The following PEX13 variants were observed in gnomAD, a reference collection of about 807,000 sequenced individuals.
PEX13 encodes peroxisomal biogenesis factor 13.
PEX13 carries 28 observed loss-of-function variants against 34.5 expected under a neutral mutation model. The observed-to-expected ratio is 0.81, with a 90% confidence interval of 0.60 to 1.11. The LOEUF is 1.11. Among genes scored for constraint, PEX13 ranks in the 50% most tolerant of loss-of-function variants. PEX13 has a pLI of 0.00. For missense variants in PEX13, 550 were observed against 491.0 expected, an observed-to-expected ratio of 1.12 and a Z score of -1.13; for synonymous variants, 177 against 175.1, an observed-to-expected ratio of 1.01 and a Z score of -0.09.
At chr2:61,021,384 A>G (rs1043368863) in intron 1 of PEX13, among the ~76,000 whole-genome samples, 4 of 152,204 alleles carry the variant, frequency 2.6e-5, no homozygotes, top group Non-Finnish European at 5.9e-5. Flanking sequence ...GCCTGGCTTG[A>G]CGGATCCTAT....
intron 2 of PEX13, among the ~76,000 whole-genome samples, chr2:61,037,710 G>A (rs1199935637): frequency 3.3e-5 from 5 of 152,104 alleles, no homozygotes; most frequent in Admixed American, 2.6e-4. Context: ...AACTAGAGAA[G>A]CAAGAGCAAA....
At chr2:61,032,299 G>C (rs1464401407) in intron 2 of PEX13, among the ~76,000 whole-genome samples, 186 bp downstream of exon 2, 2 of 152,222 alleles carry the variant, frequency 1.3e-5, no homozygotes, top group African/African-American at 2.4e-5. Context: ...TTATTGTTCA[G>C]TTTAATAGTG....
chr2:61,042,703 G>T (rs1680644171), intron 2 of PEX13, among the ~76,000 whole-genome samples: 1 of 152,094 alleles, frequency 6.6e-6, no homozygotes, highest in Admixed American at 6.5e-5. Context: ...ACCAAAATAA[G>T]TTCCTGAGAG....
intron 1 of PEX13, among the ~76,000 whole-genome samples, chr2:61,028,039 G>A (rs904886922): frequency 1.3e-5 from 2 of 152,134 alleles, no homozygotes; most frequent in South Asian, 2.1e-4. Flanking sequence ...ATGATGAATC[G>A]ATGCTAAACT....
At chr2:61,029,368 G>T (rs1359549568) in intron 1 of PEX13, among the ~76,000 whole-genome samples, 1 of 152,122 alleles carries the variant, frequency 6.6e-6, no homozygotes, top group Non-Finnish European at 1.5e-5. Context: ...GGAGAAATTG[G>T]AAATCCTCAT....
At chr2:61,040,211 G>A (rs1024693021) in intron 2 of PEX13, among the ~76,000 whole-genome samples, 6 of 152,166 alleles carry the variant, frequency 3.9e-5, no homozygotes, top group East Asian at 1.9e-4. Flanking sequence ...TAGAAATACC[G>A]TTTGACCCAG....
Position 61,031,951 on chromosome 2 carries a change from G to C in PEX13, c.625G>C (p.Asp209His). ...LGLRRGSENE[D>H]LWAESEGTVA... ...TTTAAGAAGAGGCTCTGAGAATGAA[G>C]ACCTCTGGGCAGAGAGTGAAGGAAC... The change falls in exon 2 of 4, where the codon GAC becomes CAC. Residue 209 changes from aspartate (D) to histidine (H), a missense_variant. Physicochemically the swap from Asp to His is moderately conservative, Grantham distance 81. Transcript: ENST00000295030. 2 of 1,614,170 alleles carry C rather than the reference G, an allele frequency of 1.2e-6. No individual in the cohort carries two copies. Among genetic ancestry groups the C allele is most frequent in the South Asian group, 2.2e-5 (2 of 91,088 alleles).
chr2:61,047,756 A>G (rs528772362), intron 3 of PEX13, among the ~76,000 whole-genome samples: 3 of 152,350 alleles, frequency 2.0e-5, no homozygotes, highest in Admixed American at 6.5e-5. Context: ...CTGTTATTAT[A>G]GAGCATTAAA....
chr2:61,031,092 CCAGCCTGGGAAA>C (rs1481357230), intron 1 of PEX13, among the ~76,000 whole-genome samples: 1 of 152,102 alleles, frequency 6.6e-6, no homozygotes, highest in East Asian at 1.9e-4. Context: ...GAGTTTGAGA[CCAGCCTGGGAAA>C]CATGGTGAAA....
chr2:61,031,274 A>G, intron 1 of PEX13, 145 bp from the exon 2 acceptor site: 1 of 715,100 alleles, frequency 1.4e-6, no homozygotes, highest in Non-Finnish European at 2.5e-6. Flanking sequence ...CTTGGGCAAC[A>G]GAGTGAGACC....
intron 1 of PEX13, among the ~76,000 whole-genome samples, chr2:61,028,984 A>G (rs1278067398): frequency 6.6e-6 from 1 of 152,026 alleles, no homozygotes; most frequent in Non-Finnish European, 1.5e-5. Flanking sequence ...GGTATTTGAG[A>G]CCAGCCTGGG....
chr2:61,018,524 AG>A, intron 1 of PEX13: 3 of 375,706 alleles, frequency 8.0e-6, no homozygotes, highest in Non-Finnish European at 1.4e-5. Context: ...GACTTTAAAA[AG>A]GCTAAAACAT....
rs140774769 is a variant in PEX13 at position 61,020,801 on chromosome 2, C to T, written c.92+2950C>T. ...TCCCGGACAGTTGAGACTACAGGCG[C>T]GTGCCACTCCGCCCAGCTAATTTTT... On this transcript the variant is annotated intron_variant, in intron 1 of 3. Transcript: ENST00000295030. Among the ~76,000 whole-genome samples, 613 of 152,086 alleles carry T rather than the reference C, an allele frequency of 4.0e-3. 2 individuals are homozygous for T. The highest frequency in any genetic ancestry group is 5.9e-3 in the Non-Finnish European group (399 of 67,986).
At chr2:61,039,373 C>G (rs1680583776) in intron 2 of PEX13, among the ~76,000 whole-genome samples, 1 of 152,302 alleles carries the variant, frequency 6.6e-6, no homozygotes, top group Middle Eastern at 3.4e-3. Context: ...ACCAAAACAG[C>G]ATGGTGCTTG....
At chr2:61,029,393 G>A (rs914776020) in intron 1 of PEX13, among the ~76,000 whole-genome samples, 1 of 152,162 alleles carries the variant, frequency 6.6e-6, no homozygotes, top group Middle Eastern at 3.2e-3. Context: ...TGGCGAGAAT[G>A]TAAAATGGTA....
chr2:61,017,983 G>T, intron 1 of PEX13, 132 bp downstream of exon 1: 1 of 1,313,488 alleles, frequency 7.6e-7, no homozygotes, highest in South Asian at 1.4e-5. Context: ...GGGGATAGGG[G>T]CCGAGGTGGA....
Position 61,046,392 on chromosome 2 carries a change from C to A in PEX13, c.913+541C>A, listed in dbSNP as rs540034380. Among the ~76,000 whole-genome samples, 400 of 152,228 alleles carry A rather than the reference C, an allele frequency of 2.6e-3. 2 individuals carry two copies. The highest frequency in any genetic ancestry group is 9.1e-3 in the African/African-American group (379 of 41,538). ...ACTGATACTTTTTAATGACTCTAGGCAAAATGACCTTTTCCTTCACCCTTC... is the reference window on the plus strand; with the variant it reads ...ACTGATACTTTTTAATGACTCTAGGAAAAATGACCTTTTCCTTCACCCTTC... On this transcript the variant is annotated intron_variant, in intron 3 of 3. Transcript: ENST00000295030.
At chr2:61,038,021 C>G (rs1349093984) in intron 2 of PEX13, among the ~76,000 whole-genome samples, 1 of 152,146 alleles carries the variant, frequency 6.6e-6, no homozygotes, top group Non-Finnish European at 1.5e-5. Context: ...TGGGTAAATT[C>G]CTGGACACAT....
chr2:61,038,083 T>C (rs1455577196), intron 2 of PEX13, among the ~76,000 whole-genome samples: 1 of 152,108 alleles, frequency 6.6e-6, no homozygotes, highest in Non-Finnish European at 1.5e-5. Context: ...AATAGACCAA[T>C]AACAGGTTCT....
Sources: gnomAD v4.1 joint callset for allele counts (sites outside exome capture counted in the v4.1 genomes callset) on GRCh38, gnomAD v4.1.1 for gene constraint, MANE v1.5 for transcripts, NCBI Gene and HGNC (gene_info 2026-07-23, HGNC 2026-07-21) for gene names.